The following HPS5 variants were observed in gnomAD, a reference collection of about 807,000 sequenced individuals.
HPS5 encodes HPS5 biogenesis of lysosomal organelles complex 2 subunit 2, also known as BLOC-2 complex member HPS5.
A neutral mutation model predicts 128.0 loss-of-function variants in HPS5; 83 were observed. The observed-to-expected ratio is 0.65, with a 90% CI of 0.54 to 0.78. HPS5 has a LOEUF of 0.78. Among genes scored for constraint, HPS5 ranks in the 30% least tolerant of loss-of-function variants. The probability of loss-of-function intolerance (pLI) is 0.00; values close to 1 mark genes in which losing one functional copy is unlikely to be tolerated. For synonymous variants in HPS5, 475 were observed against 470.2 expected (o/e 1.01, Z -0.13); for missense variants, 1,281 against 1,326.2 (o/e 0.97, Z 0.53).
chr11:18,296,546 C>T (rs913258954), intron 12 of HPS5: 6 of 603,922 alleles, frequency 9.9e-6, no homozygotes, highest in African/African-American at 5.6e-5. Context: ...TCTTTCATAA[C>T]CTTTCCAGCA....
At position 18,296,815 on chromosome 11, in the gene HPS5, C is replaced by G; in HGVS notation, c.1493G>C (p.Gly498Ala). ...QEEDLPDQCCGSHGNEDNVSH... is the reference protein window; with the variant it reads ...QEEDLPDQCCASHGNEDNVSH... Reference sequence around the variant, plus strand: ...TTCATCACCTTCATTTCCGTGTGAGCCACAACACTGATCTGGCAGGTCCTC... The same window carrying G: ...TTCATCACCTTCATTTCCGTGTGAGGCACAACACTGATCTGGCAGGTCCTC... The change falls in exon 12 of 23, where the codon GGC becomes GCC. Residue 498 changes from glycine to alanine, a missense_variant. Gly to Ala is a moderately conservative substitution (Grantham distance 60, BLOSUM62 0). Transcript: ENST00000349215. The G allele has an allele frequency of 6.2e-7, 1 of 1,614,080 alleles. No individual in the cohort carries two copies. The highest frequency in any genetic ancestry group is 8.5e-7 in the Non-Finnish European group (1 of 1,179,986).
At position 18,279,534 on chromosome 11, in the gene HPS5, T is replaced by TAAAAA; in HGVS notation, c.*347_*348insTTTTT. 1 of 271,994 alleles carries TAAAAA rather than the reference T, an allele frequency of 3.7e-6. No homozygotes were observed. Among genetic ancestry groups the TAAAAA allele is most frequent in the Non-Finnish European group, 7.1e-6 (1 of 140,894 alleles). 16.8% of individuals were successfully genotyped at this position (271,994 alleles called of 1,614,324 possible). On this transcript the variant is annotated 3_prime_UTR_variant, in exon 23 of 23. Transcript: ENST00000349215. The stretch of plus-strand genomic sequence containing the variant: ...TCTGCTCCCAACATGGAAGCCACAG[T>TAAAAA]AAGAAAAGAATCTGTCTAATCCACT...
rs574761570 is a variant in HPS5, at chr11:18,279,737, T to C, written c.*145A>G. ...GAGTCACAGATGCCGATGCCAAGGG[T>C]ACAGACACTGACAAAAGTAGCCCCA... On this transcript the variant is annotated 3_prime_UTR_variant, in exon 23 of 23. Coordinates refer to ENST00000349215, the MANE Select transcript of HPS5 (RefSeq NM_181507.2). 103 of 762,438 alleles carry C rather than the reference T, an allele frequency of 1.4e-4. No individual in the cohort carries two copies. The African/African-American group carries it at 1.6e-3, about 11-fold the overall frequency. 47.2% of individuals were successfully genotyped at this position (762,438 alleles called of 1,614,324 possible).
intron 16 of HPS5, among the ~76,000 whole-genome samples, 181 bp from the exon 17 acceptor site, chr11:18,288,194 T>C (rs1307793678): frequency 6.6e-6 from 1 of 152,242 alleles, no homozygotes; most frequent in Non-Finnish European, 1.5e-5. Context: ...TAATTTCTAC[T>C]TTTAAGAACC....
intron 18 of HPS5, 142 bp from the exon 19 acceptor site, chr11:18,286,852 T>C (rs1031270440): frequency 2.9e-5 from 32 of 1,112,308 alleles, no homozygotes; most frequent in Non-Finnish European, 3.6e-5. Context: ...ACAAAATGTC[T>C]AGAAATGCTG....
In HPS5 at chr11:18,295,986, C is replaced by G. The variant is rs1243892639; in HGVS notation, c.1634+13G>C. 6.2e-7 allele frequency: 1 copy of G among 1,611,494 alleles called. No individual in the cohort carries two copies. Among genetic ancestry groups the G allele is most frequent in the South Asian group, 1.1e-5 (1 of 91,050 alleles). The stretch of plus-strand genomic sequence containing the variant: ...TCAGTAATGGAATTAAATGACAAGA[C>G]TAATTGGTTTACCTTTCTTTGACAG... On this transcript the variant is annotated intron_variant, in intron 13 of 22. Transcript: ENST00000349215.
Position 18,311,929 on chromosome 11 carries a change from AAGCCTGTGCTTCC to A in HPS5, c.191_203del (p.Trp64PhefsTer25). The A allele has an allele frequency of 6.2e-7, 1 of 1,612,732 alleles. No homozygotes were observed. Among genetic ancestry groups the A allele is most frequent in the Non-Finnish European group, 8.5e-7 (1 of 1,178,716 alleles). On this transcript the variant is annotated frameshift_variant, in exon 3 of 23. Transcript: ENST00000349215. LOFTEE classifies it high-confidence loss of function. ...TTAATCTTACCCTGTGTGAAAGAAA[AAGCCTGTGCTTCC>A]AGCCTTCTTTCTGAATGAGATGGAG...
chr11:18,305,461 G>C lies in HPS5; in HGVS notation c.857C>G (p.Ser286Cys), dbSNP rs757017609. The change falls in exon 8 of 23, where the codon TCC becomes TGC. Residue 286 changes from serine to cysteine, a missense_variant. Physicochemically the swap from Ser to Cys is moderately radical, Grantham distance 112 (BLOSUM62 -1). Transcript: ENST00000349215. ...SEPQYDHTAGSSQSLSFPKLL... is the reference protein window; with the variant it reads ...SEPQYDHTAGCSQSLSFPKLL... ...TTTGGGGAAAGACAAAGACTGGGAG[G>C]ATCCAGCTGTATGATCATACTGAGG... 2 of 1,610,606 alleles carry C rather than the reference G, an allele frequency of 1.2e-6. No individual in the cohort carries two copies. The highest frequency in any genetic ancestry group is 1.7e-6 in the Non-Finnish European group (2 of 1,177,034).
At chr11:18,311,517 T>TA (rs1564977220) in intron 3 of HPS5, 66 bp from the exon 4 acceptor site, 35 of 893,376 alleles carry the variant, frequency 3.9e-5, no homozygotes, top group African/African-American at 3.1e-4. Flanking sequence ...TATTATTTTT[T>TA]TTTTTTTTTT....
intron 1 of HPS5, among the ~76,000 whole-genome samples, chr11:18,318,206 A>G (rs897526678): frequency 4.6e-5 from 7 of 152,206 alleles, no homozygotes; most frequent in Admixed American, 3.9e-4. Context: ...GAAAATTGGC[A>G]TATCACCCTG....
intron 6 of HPS5, 85 bp downstream of exon 6, chr11:18,308,861 T>C (rs1446312534): frequency 2.2e-6 from 3 of 1,350,364 alleles, no homozygotes; most frequent in South Asian, 1.2e-5. Context: ...TATAACTGAT[T>C]GATGGGGCTT....
chr11:18,309,020 A>G lies in HPS5; in HGVS notation c.537T>C (p.Val179=), dbSNP rs1398795119. 6.2e-7 allele frequency: 1 copy of G among 1,613,912 alleles called. No homozygotes were observed. The highest frequency in any genetic ancestry group is 8.5e-7 in the Non-Finnish European group (1 of 1,179,828). ...TTCCATCCAAATAATCTAACTGTAC[A>G]ACACAGGAGTCAACAGTTGTGATTG... ...VQTITTVDSC[V]VQLDYLDGRL... Residue 179 remains valine, a synonymous_variant, in exon 6 of 23, where the codon GTT becomes GTC. Coordinates refer to ENST00000349215, the MANE Select transcript of HPS5 (RefSeq NM_181507.2).
Position 18,281,317 on chromosome 11 carries a change from C to T in HPS5, c.3329+633G>A, listed in dbSNP as rs146386925. 6.1e-3 allele frequency among the ~76,000 whole-genome samples: 912 copies of T among 150,286 alleles called. 13 individuals are homozygous for T. Among genetic ancestry groups the T allele is most frequent in the African/African-American group, 0.022 (881 of 40,872 alleles). On this transcript the variant is annotated intron_variant, in intron 22 of 22. Transcript: ENST00000349215. ...CCATATTGGTTAGGCTGGTCTCGAA[C>T]TCCTGACCTCAGGTTATCCACCTGC...
rs955629890 is a variant in HPS5 at position 18,293,438 on chromosome 11, C to T, written c.1785-462G>A. On this transcript the variant is annotated intron_variant, in intron 14 of 22. Coordinates refer to ENST00000349215, the MANE Select transcript of HPS5 (RefSeq NM_181507.2). ...CCACCTGCCTCGGCCTCCTAAAGTG[C>T]GTGAGCCACCGCACCTGACCCTTGG... is the stretch of plus-strand genomic sequence containing the variant. 3.9e-5 allele frequency among the ~76,000 whole-genome samples: 6 copies of T among 152,096 alleles called. No homozygotes were observed. In the South Asian group the frequency reaches 6.2e-4, roughly 16 times the overall value.
At chr11:18,318,198 A>G (rs1220539991) in intron 1 of HPS5, among the ~76,000 whole-genome samples, 2 of 152,196 alleles carry the variant, frequency 1.3e-5, no homozygotes, top group Non-Finnish European at 2.9e-5. Context: ...GGATTTAGGA[A>G]AATTGGCATA....
At chr11:18,286,978 A>G (rs1859826240) in intron 18 of HPS5, 1 of 605,904 alleles carries the variant, frequency 1.7e-6, no homozygotes, top group Admixed American at 3.1e-5. Flanking sequence ...TGGCCAGAGT[A>G]GGAAGATCAC....
intron 18 of HPS5, 145 bp downstream of exon 18, chr11:18,287,390 A>G: frequency 1.2e-6 from 1 of 847,840 alleles, no homozygotes; most frequent in South Asian, 1.5e-5. Context: ...GCAGAATGTT[A>G]CAAGGCCTCC....
chr11:18,287,489 C>T, intron 18 of HPS5, 46 bp downstream of exon 18: 1 of 1,596,132 alleles, frequency 6.3e-7, no homozygotes, highest in Non-Finnish European at 8.6e-7. Context: ...AGAAACAATG[C>T]CCTGTCAAAA....
intron 1 of HPS5, among the ~76,000 whole-genome samples, chr11:18,321,515 C>T (rs1864347630): frequency 6.6e-6 from 1 of 152,200 alleles, no homozygotes; most frequent in South Asian, 2.1e-4. Flanking sequence ...CCAAGGATCA[C>T]AGAGTTCATA....
Sources: gnomAD v4.1 joint callset for allele counts (sites outside exome capture counted in the v4.1 genomes callset) on GRCh38, gnomAD v4.1.1 for gene constraint, MANE v1.5 for transcripts, NCBI Gene and HGNC (gene_info 2026-07-23, HGNC 2026-07-21) for gene names.